Variants in UHRF2 observed in about 807,000 individuals in gnomAD.
The protein encoded by UHRF2 is E3 ubiquitin-protein ligase UHRF2.
Under a neutral mutation model 96.8 loss-of-function variants are expected in UHRF2, and 23 were observed. The observed-to-expected ratio is 0.24, with a 90% CI of 0.17 to 0.34. UHRF2 has a LOEUF of 0.34. Among genes scored for constraint, UHRF2 ranks in the 10% least tolerant of loss-of-function variants. UHRF2 has a pLI of 1.00. For synonymous variants in UHRF2, 385 were observed against 332.6 expected, an observed-to-expected ratio of 1.16 and a Z score of -1.72; for missense variants, 685 against 981.5, an observed-to-expected ratio of 0.70 and a Z score of 4.04.
At chr9:6,480,333 C>G (rs1823845822) in intron 6 of UHRF2, among the ~76,000 whole-genome samples, 1 of 152,208 alleles carries the variant, frequency 6.6e-6, no homozygotes, top group Non-Finnish European at 1.5e-5. Flanking sequence ...TCTGGCTTTC[C>G]TTCACTACTA....
rs764449260 is a variant in UHRF2 at position 6,506,121 on chromosome 9, A to G, written c.2351A>G (p.Asn784Ser). Reference sequence around the variant, plus strand: ...GGCCAGAATTACATCATGATTCCCAATGAGATTCTGCAGACTCTACTTGAC... The same window carrying G: ...GGCCAGAATTACATCATGATTCCCAGTGAGATTCTGCAGACTCTACTTGAC... ...DLGQNYIMIP[N>S]EILQTLLDLF... Residue 784 changes from asparagine (N) to serine (S), a missense_variant, in exon 16 of 16, where the codon AAT becomes AGT. Physicochemically the swap from Asn to Ser is conservative, Grantham distance 46. This residue lies in a region of UHRF2 where 71 missense variants were observed against 114.1 expected (regional missense o/e 0.62). Coordinates refer to ENST00000276893, the MANE Select transcript of UHRF2 (RefSeq NM_152896.3). The G allele has an allele frequency of 3.1e-6, 5 of 1,614,034 alleles. No individual in the cohort carries two copies. Among genetic ancestry groups the G allele is most frequent in the Admixed American group, 1.7e-5 (1 of 60,002 alleles).
chr9:6,421,295 G>T (rs1034569106), intron 2 of UHRF2, among the ~76,000 whole-genome samples, 153 bp downstream of exon 2: 1 of 152,300 alleles, frequency 6.6e-6, no homozygotes, highest in African/African-American at 2.4e-5. Context: ...TTTAAAAATT[G>T]ATATGAAATA....
chr9:6,413,973 C>T (rs374198531), intron 1 of UHRF2: 1 of 200,930 alleles, frequency 5.0e-6, no homozygotes. Flanking sequence ...TCGGCGGGGC[C>T]TGGGGCCCCC....
intron 2 of UHRF2, among the ~76,000 whole-genome samples, chr9:6,426,635 A>G (rs1484068743): frequency 2.0e-5 from 3 of 152,350 alleles, no homozygotes; most frequent in African/African-American, 7.2e-5. Context: ...GTGGATATCT[A>G]GCATATGTTT....
chr9:6,454,805 T>C (rs969525789), intron 3 of UHRF2, among the ~76,000 whole-genome samples: 5 of 152,228 alleles, frequency 3.3e-5, no homozygotes, highest in African/African-American at 9.6e-5. Context: ...GGATATGATA[T>C]TTAATATCAT....
intron 12 of UHRF2, chr9:6,499,254 AC>A (rs965871703): frequency 3.1e-4 from 20 of 64,640 alleles, no homozygotes; most frequent in African/African-American, 8.7e-4. Flanking sequence ...CACCCCACCC[AC>A]CCCCTCAAAG....
chr9:6,480,029 TA>T (rs1021784910), intron 6 of UHRF2, among the ~76,000 whole-genome samples: 4 of 152,024 alleles, frequency 2.6e-5, no homozygotes, highest in African/African-American at 9.7e-5. Flanking sequence ...TCACTTAGAA[TA>T]AAAAAAATCT....
chr9:6,426,106 G>A (rs1168393725), intron 2 of UHRF2, among the ~76,000 whole-genome samples: 1 of 152,198 alleles, frequency 6.6e-6, no homozygotes, highest in Non-Finnish European at 1.5e-5. Flanking sequence ...TTTCTGTTTA[G>A]CAAACTTCTC....
At chr9:6,434,366 A>C in intron 3 of UHRF2, 193 bp downstream of exon 3, 1 of 599,926 alleles carries the variant, frequency 1.7e-6, no homozygotes. Flanking sequence ...TCTGGTTCTT[A>C]AGTGGTTTAT....
intron 3 of UHRF2, among the ~76,000 whole-genome samples, chr9:6,450,426 T>G (rs570727125): frequency 1.3e-5 from 2 of 152,086 alleles, no homozygotes; most frequent in African/African-American, 4.8e-5. Context: ...TGTGTTAGTT[T>G]CCTGAGAAGC....
intron 4 of UHRF2, among the ~76,000 whole-genome samples, chr9:6,474,761 G>A (rs545158733): frequency 2.0e-5 from 3 of 152,192 alleles, no homozygotes; most frequent in Admixed American, 6.6e-5. Flanking sequence ...ATCCACACCC[G>A]TAGTAGGAAA....
At chr9:6,500,489 T>C in intron 13 of UHRF2, 63 bp from the exon 14 acceptor site, 1 of 1,412,874 alleles carries the variant, frequency 7.1e-7, no homozygotes, top group Non-Finnish European at 9.5e-7. Context: ...TTAACTCTTT[T>C]GTTTCATAGT....
intron 2 of UHRF2, among the ~76,000 whole-genome samples, chr9:6,424,058 G>T (rs1468757830): frequency 6.6e-6 from 1 of 152,114 alleles, no homozygotes; most frequent in African/African-American, 2.4e-5. Context: ...GCTAGACAAG[G>T]AAGCCAATTC....
chr9:6,480,079 C>CT (rs1823833990), intron 6 of UHRF2, among the ~76,000 whole-genome samples: 1 of 152,190 alleles, frequency 6.6e-6, no homozygotes, highest in Admixed American at 6.5e-5. Flanking sequence ...TATCTACTCT[C>CT]TAACTTCGGT....
At chr9:6,434,970 A>G (rs2130771390) in intron 3 of UHRF2, among the ~76,000 whole-genome samples, 1 of 149,494 alleles carries the variant, frequency 6.7e-6, no homozygotes, top group Non-Finnish European at 1.5e-5. Context: ...AGCTGAGAAT[A>G]TAGGCATATG....
In UHRF2 at chr9:6,479,750, A is replaced by G. The variant is rs148530971; in HGVS notation, c.1161-1893A>G. ...TTAAATAGTACTAATCATTTTATCT[A>G]CTTGTTCATGCCAAAAAGCTAAACT... On this transcript the variant is annotated intron_variant, in intron 6 of 15. Transcript: ENST00000276893. Among the ~76,000 whole-genome samples, 306 of 152,236 alleles carry G rather than the reference A, an allele frequency of 2.0e-3. 2 individuals are homozygous for G. The highest frequency in any genetic ancestry group is 4.4e-3 in the Admixed American group (68 of 15,292).
chr9:6,422,601 C>A, intron 2 of UHRF2: 1 of 592,390 alleles, frequency 1.7e-6, no homozygotes. Flanking sequence ...CTTGACTTCT[C>A]CATTAACTTA....
intron 9 of UHRF2, among the ~76,000 whole-genome samples, chr9:6,487,175 T>TTTATTTTTTATTTTTA (rs1219013703): frequency 9.8e-5 from 14 of 142,760 alleles, no homozygotes; most frequent in African/African-American, 3.9e-4. Context: ...GCTTTTATTT[T>TTTATTTTTTATTTTTA]TTTTTCCTTT....
chr9:6,415,499 C>G (rs563803593), intron 1 of UHRF2: 1 of 152,254 alleles, frequency 6.6e-6, no homozygotes, highest in East Asian at 1.9e-4. Flanking sequence ...CTCTGGAGCT[C>G]CACAGATGAG....
Sources: allele counts gnomAD v4.1 joint callset (sites outside exome capture counted in the v4.1 genomes callset), GRCh38; gene constraint gnomAD v4.1.1; regional missense constraint gnomAD v4.1.1; transcripts MANE v1.5; gene names NCBI Gene and HGNC (gene_info 2026-07-23, HGNC 2026-07-21).